SDHC: variants seen among roughly 807,000 people sequenced by gnomAD.
The protein encoded by SDHC is succinate dehydrogenase cytochrome b560 subunit, mitochondrial.
A neutral mutation model predicts 22.6 loss-of-function variants in SDHC; 11 were observed. The ratio of observed to expected loss-of-function variants is 0.49; its 90% CI spans 0.31 to 0.81. SDHC has a LOEUF of 0.81. Among genes scored for constraint, SDHC ranks in the 30% least tolerant of loss-of-function variants. SDHC has a pLI of 0.05. For missense variants in SDHC, 160 were observed against 212.0 expected (o/e 0.75, Z 1.52); for synonymous variants, 80 against 77.8 (o/e 1.03, Z -0.15).
chr1:161,318,685 T>C (rs963668484), intron 1 of SDHC, among the ~76,000 whole-genome samples: 1 of 152,246 alleles, frequency 6.6e-6, no homozygotes, highest in African/African-American at 2.4e-5. Flanking sequence ...CCTTTTTATT[T>C]TGTTATTTTT....
At chr1:161,332,307 G>A (rs2102316653) in intron 3 of SDHC, among the ~76,000 whole-genome samples, 1 of 152,212 alleles carries the variant, frequency 6.6e-6, no homozygotes, top group East Asian at 1.9e-4. Flanking sequence ...CCCTCAGTCT[G>A]TTTCTTTCCT....
intron 3 of SDHC, among the ~76,000 whole-genome samples, chr1:161,329,382 A>G (rs1267285783): frequency 2.0e-5 from 3 of 152,006 alleles, no homozygotes; most frequent in Non-Finnish European, 4.4e-5. Context: ...CCCAGGCTGG[A>G]GTGCAGTGGT....
At chr1:161,354,663 T>TTGTGTGTGTGTG (rs60151629) in intron 4 of SDHC, among the ~76,000 whole-genome samples, 7 of 116,596 alleles carry the variant, frequency 6.0e-5, no homozygotes, top group East Asian at 2.6e-4. Flanking sequence ...TCTTATTTCT[T>TTGTGTGTGTGTG]TGTGTGTGTG....
rs750363498 is a variant in SDHC at position 161,323,673 on chromosome 1, A to G, written c.77+3A>G. ...AGCCCTCAGCTCTGTATCAGAAAGT[A>G]AGTTTCTAAGTCTGGAGATTATTTA... is the stretch of plus-strand genomic sequence containing the variant. On this transcript the variant is annotated splice_donor_region_variant and intron_variant, in intron 2 of 5. Transcript: ENST00000367975. 2.5e-6 allele frequency: 4 copies of G among 1,606,634 alleles called. No homozygotes were observed. The Admixed American group carries it at 5.0e-5, about 20-fold the overall frequency.
intron 4 of SDHC, among the ~76,000 whole-genome samples, chr1:161,355,757 G>C (rs1443130001): frequency 6.6e-6 from 1 of 152,140 alleles, no homozygotes; most frequent in Non-Finnish European, 1.5e-5. Flanking sequence ...GCTGAGGTGG[G>C]CGAATCACTT....
rs373210779 is a variant in SDHC at position 161,346,462 on chromosome 1, C to T, written c.241+5807C>T. On this transcript the variant is annotated intron_variant, in intron 4 of 5. Transcript: ENST00000367975. Reference sequence around the variant, plus strand: ...TTGCCCAGACTGGAGTGCAATAGCGCGATCTCAGCTCACTACAACTCTGCC... The same window carrying T: ...TTGCCCAGACTGGAGTGCAATAGCGTGATCTCAGCTCACTACAACTCTGCC... 1.9e-3 allele frequency among the ~76,000 whole-genome samples: 282 copies of T among 151,556 alleles called. 1 individual carries two copies. Among genetic ancestry groups the T allele is most frequent in the South Asian group, 5.0e-3 (24 of 4,812 alleles).
Position 161,315,544 on chromosome 1 carries a change from A to T in SDHC, c.20+1119A>T, listed in dbSNP as rs540874125. The stretch of plus-strand genomic sequence containing the variant: ...AATTCTCTGATATATTTTGGTATCG[A>T]TGTTAGGGGCTTTTGGTAAAATTAA... On this transcript the variant is annotated intron_variant, in intron 1 of 5. Transcript: ENST00000367975. 3.3e-5 allele frequency among the ~76,000 whole-genome samples: 5 copies of T among 152,278 alleles called. No homozygotes were observed. The East Asian group carries it at 9.6e-4, about 29-fold the overall frequency.
chr1:161,345,845 G>C (rs1293092785), intron 4 of SDHC, among the ~76,000 whole-genome samples: 1 of 151,412 alleles, frequency 6.6e-6, no homozygotes, highest in African/African-American at 2.4e-5. Flanking sequence ...TTGCTCTGTT[G>C]CCCAGGCTGG....
intron 4 of SDHC, among the ~76,000 whole-genome samples, chr1:161,353,455 A>G (rs1457071930): frequency 6.6e-6 from 1 of 152,210 alleles, no homozygotes; most frequent in African/African-American, 2.4e-5. Flanking sequence ...GCAGTCTTCT[A>G]TAATAGCTTA....
At chr1:161,339,360 TTTTTTC>T (rs1327358857) in intron 3 of SDHC, among the ~76,000 whole-genome samples, 2 of 151,052 alleles carry the variant, frequency 1.3e-5, no homozygotes, top group Admixed American at 6.6e-5. Flanking sequence ...TTTTTTTTTT[TTTTTTC>T]GTAAAGATGG....
At chr1:161,315,601 A>G (rs1670579547) in intron 1 of SDHC, among the ~76,000 whole-genome samples, 1 of 152,136 alleles carries the variant, frequency 6.6e-6, no homozygotes, top group Non-Finnish European at 1.5e-5. Flanking sequence ...ATTGGTTCCA[A>G]ACAGTTCATT....
intron 5 of SDHC, among the ~76,000 whole-genome samples, chr1:161,358,988 C>G (rs961292517): frequency 2.6e-5 from 4 of 151,200 alleles, no homozygotes; most frequent in African/African-American, 9.7e-5. Context: ...GCCTGTAATC[C>G]CAGCTACTTG....
At chr1:161,357,022 C>T (rs1184813619) in intron 5 of SDHC, among the ~76,000 whole-genome samples, 182 bp downstream of exon 5, 1 of 151,966 alleles carries the variant, frequency 6.6e-6, no homozygotes, top group Non-Finnish European at 1.5e-5. Context: ...CTTCTGCCTC[C>T]TGGGTTCAAG....
intron 4 of SDHC, among the ~76,000 whole-genome samples, chr1:161,343,389 C>T (rs1448417058): frequency 6.6e-6 from 1 of 151,980 alleles, no homozygotes; most frequent in African/African-American, 2.4e-5. Context: ...TATATATGTC[C>T]ATTTATAGAC....
At chr1:161,337,778 A>G (rs945359731) in intron 3 of SDHC, among the ~76,000 whole-genome samples, 2 of 152,166 alleles carry the variant, frequency 1.3e-5, no homozygotes, top group Admixed American at 6.5e-5. Flanking sequence ...TGTTTCTTCT[A>G]TTAGCTCTTT....
intron 4 of SDHC, among the ~76,000 whole-genome samples, chr1:161,346,840 G>C (rs1671915559): frequency 1.3e-5 from 2 of 152,132 alleles, no homozygotes; most frequent in African/African-American, 4.8e-5. Flanking sequence ...TTATATAAAA[G>C]GATGTGGTAT....
chr1:161,358,470 C>T (rs1672369341), intron 5 of SDHC, among the ~76,000 whole-genome samples: 1 of 151,940 alleles, frequency 6.6e-6, no homozygotes, highest in African/African-American at 2.4e-5. Context: ...ATCGTCTGCT[C>T]AAAACTGGTT....
intron 2 of SDHC, among the ~76,000 whole-genome samples, chr1:161,325,928 C>A (rs565674592): frequency 2.6e-5 from 4 of 152,046 alleles, no homozygotes; most frequent in Non-Finnish European, 4.4e-5. Flanking sequence ...CGGCCTGGCA[C>A]GGTAGCCATG....
chr1:161,323,006 A>G (rs1670893083), intron 1 of SDHC, among the ~76,000 whole-genome samples: 1 of 145,830 alleles, frequency 6.9e-6, no homozygotes, highest in African/African-American at 2.5e-5. Flanking sequence ...CCTAGCTTTT[A>G]TTTTTTTTTT....
Sources: gnomAD v4.1 joint callset for allele counts (sites outside exome capture counted in the v4.1 genomes callset) on GRCh38, gnomAD v4.1.1 for gene constraint, MANE v1.5 for transcripts, NCBI Gene and HGNC (gene_info 2026-07-23, HGNC 2026-07-21) for gene names.